Variants in FNBP1L observed in about 807,000 individuals in gnomAD.
FNBP1L encodes formin binding protein 1 like.
A neutral mutation model predicts 91.2 loss-of-function variants in FNBP1L; 36 were observed. That is an observed-to-expected ratio of 0.39 (90% CI 0.30 to 0.52). The LOEUF (loss-of-function observed/expected upper bound fraction) is 0.52. Among genes scored for constraint, FNBP1L ranks in the 20% least tolerant of loss-of-function variants. FNBP1L has a pLI of 0.66. For synonymous variants in FNBP1L, 242 were observed against 237.0 expected, an observed-to-expected ratio of 1.02 and a Z score of -0.19; for missense variants, 571 against 732.1, an observed-to-expected ratio of 0.78 and a Z score of 2.54.
At chr1:93,508,183 A>G (rs980761102) in intron 2 of FNBP1L, among the ~76,000 whole-genome samples, 3 of 151,654 alleles carry the variant, frequency 2.0e-5, no homozygotes, top group Admixed American at 2.0e-4. Context: ...CCCCATATCT[A>G]TTAAAAAGAC....
chr1:93,530,946 T>G, intron 7 of FNBP1L, 63 bp downstream of exon 7: 2 of 1,326,678 alleles, frequency 1.5e-6, no homozygotes, highest in African/African-American at 1.5e-5. Flanking sequence ...ATAAAACTTG[T>G]AAGTCTTAGA....
At chr1:93,509,900 C>A (rs530698645) in intron 2 of FNBP1L, among the ~76,000 whole-genome samples, 3 of 152,196 alleles carry the variant, frequency 2.0e-5, no homozygotes, top group Non-Finnish European at 4.4e-5. Flanking sequence ...TGCGCTTTTC[C>A]GACAGGCTTA....
chr1:93,531,147 G>A (rs577671947), intron 7 of FNBP1L, among the ~76,000 whole-genome samples: 1 of 152,266 alleles, frequency 6.6e-6, no homozygotes, highest in Admixed American at 6.5e-5. Context: ...TAAGTATTTT[G>A]ACATGACAAA....
At chr1:93,529,315 A>C (rs1671595800) in intron 5 of FNBP1L, among the ~76,000 whole-genome samples, 1 of 152,138 alleles carries the variant, frequency 6.6e-6, no homozygotes, top group African/African-American at 2.4e-5. Context: ...CTGATATTTA[A>C]GGAACGTGGA....
intron 4 of FNBP1L, 147 bp from the exon 5 acceptor site, chr1:93,524,114 G>A: frequency 1.9e-6 from 1 of 523,272 alleles, no homozygotes; most frequent in Non-Finnish European, 3.1e-6. Flanking sequence ...CTAAGTCTTG[G>A]TAAAGTTATA....
chr1:93,530,062 ATTAG>A (rs1170423471), intron 6 of FNBP1L, among the ~76,000 whole-genome samples: 1 of 152,152 alleles, frequency 6.6e-6, no homozygotes, highest in Non-Finnish European at 1.5e-5. Flanking sequence ...TGGGGTAATA[ATTAG>A]TTAGAGAATA....
chr1:93,448,946 G>C (rs1393099311), intron 1 of FNBP1L, among the ~76,000 whole-genome samples: 1 of 152,236 alleles, frequency 6.6e-6, no homozygotes, highest in Non-Finnish European at 1.5e-5. Context: ...AGCTTCGAGG[G>C]ACTCCGGTTT....
rs561197213 is a variant in FNBP1L at position 93,543,301 on chromosome 1, C to T, written c.1165-806C>T. ...AGGTGTCATTTGGATCAGATGTTTA[C>T]GTTTAAATACTAGTACTTTTTCTTA... On this transcript the variant is annotated intron_variant, in intron 11 of 16. Coordinates refer to ENST00000271234, the MANE Select transcript of FNBP1L (RefSeq NM_001164473.3). Among the ~76,000 whole-genome samples, 8 of 152,202 alleles carry T rather than the reference C, an allele frequency of 5.3e-5. 1 individual carries two copies. The South Asian group carries it at 1.5e-3, about 28-fold the overall frequency.
intron 3 of FNBP1L, among the ~76,000 whole-genome samples, chr1:93,522,917 C>G (rs1202532525): frequency 2.0e-5 from 3 of 152,074 alleles, no homozygotes; most frequent in Admixed American, 2.0e-4. Context: ...GCAGCTGTGT[C>G]CAGAGCTGAT....
Position 93,536,372 on chromosome 1 carries a change from C to A in FNBP1L, c.1031C>A (p.Ser344Tyr). ...TTAACCCCTACTAGTTTATTCACAT[C>A]CAGTACTCCTAATGGGTCCCAGTTT... ...PPLTPTSLFTSSTPNGSQFLT... is the reference protein window; with the variant it reads ...PPLTPTSLFTYSTPNGSQFLT... Residue 344 changes from serine (S) to tyrosine (Y), a missense_variant, in exon 10 of 17, where the codon TCC becomes TAC. Transcript: ENST00000271234. 1.9e-6 allele frequency: 3 copies of A among 1,549,982 alleles called. No individual in the cohort carries two copies. Among genetic ancestry groups the A allele is most frequent in the Non-Finnish European group, 2.6e-6 (3 of 1,145,922 alleles).
intron 7 of FNBP1L, 119 bp from the exon 8 acceptor site, chr1:93,532,803 C>A: frequency 1.5e-6 from 1 of 661,700 alleles, no homozygotes; most frequent in Non-Finnish European, 2.4e-6. Context: ...AAGGTATTAA[C>A]AACAGTGTAA....
Position 93,463,113 on chromosome 1 carries a change from C to T in FNBP1L, c.24+14808C>T, listed in dbSNP as rs905945135. Among the ~76,000 whole-genome samples, 7 of 152,214 alleles carry T rather than the reference C, an allele frequency of 4.6e-5. No homozygotes were observed. The East Asian group carries it at 9.6e-4, about 21-fold the overall frequency. On this transcript the variant is annotated intron_variant, in intron 1 of 16. Coordinates refer to ENST00000271234, the MANE Select transcript of FNBP1L (RefSeq NM_001164473.3). ...CAGCTTTTGACTGTTTGAGCTCTTTCGGTTGGCTTTTGTGTCCTTTTAACA... is the reference window on the plus strand; with the variant it reads ...CAGCTTTTGACTGTTTGAGCTCTTTTGGTTGGCTTTTGTGTCCTTTTAACA...
At chr1:93,510,320 A>G (rs1670785280) in intron 2 of FNBP1L, among the ~76,000 whole-genome samples, 1 of 152,170 alleles carries the variant, frequency 6.6e-6, no homozygotes, top group South Asian at 2.1e-4. Context: ...AAGCAGCCTA[A>G]CTGGGAGGCA....
intron 1 of FNBP1L, among the ~76,000 whole-genome samples, chr1:93,458,209 T>C (rs1668739140): frequency 6.6e-6 from 1 of 152,270 alleles, no homozygotes; most frequent in African/African-American, 2.4e-5. Context: ...ACTAGTATCT[T>C]GGAGCAATAT....
At chr1:93,550,912 A>G (rs376027213) in intron 15 of FNBP1L, 35 bp from the exon 16 acceptor site, 12 of 1,488,414 alleles carry the variant, frequency 8.1e-6, no homozygotes, top group African/African-American at 5.6e-5. Context: ...AATTATCACA[A>G]TGCTTAAATT....
At chr1:93,470,734 G>A (rs946981448) in intron 1 of FNBP1L, among the ~76,000 whole-genome samples, 12 of 152,170 alleles carry the variant, frequency 7.9e-5, no homozygotes, top group African/African-American at 2.4e-4. Context: ...TTGGCCAGGC[G>A]TCATGGTGCA....
At chr1:93,460,549 G>C (rs762872061) in intron 1 of FNBP1L, among the ~76,000 whole-genome samples, 2 of 152,184 alleles carry the variant, frequency 1.3e-5, no homozygotes, top group African/African-American at 4.8e-5. Context: ...TTCTTAAAAA[G>C]AAGGAAATCC....
At chr1:93,536,574 G>GCTCT (rs1671857869) in intron 10 of FNBP1L, 84 bp downstream of exon 10, 1 of 1,245,446 alleles carries the variant, frequency 8.0e-7, no homozygotes, top group Non-Finnish European at 1.1e-6. Flanking sequence ...TCATTATAAG[G>GCTCT]CTCTCTCCTA....
intron 2 of FNBP1L, among the ~76,000 whole-genome samples, chr1:93,514,473 C>A (rs1319890539): frequency 1.2e-4 from 18 of 151,690 alleles, no homozygotes; most frequent in Non-Finnish European, 2.5e-4. Context: ...AATCCTAAGC[C>A]AAAAGAACAA....
Sources: gnomAD v4.1 joint callset for allele counts (sites outside exome capture counted in the v4.1 genomes callset) on GRCh38, gnomAD v4.1.1 for gene constraint, MANE v1.5 for transcripts, NCBI Gene and HGNC (gene_info 2026-07-23, HGNC 2026-07-21) for gene names.